The following ME2 variants were observed in gnomAD, a reference collection of about 807,000 sequenced individuals.
ME2 encodes the protein NAD-dependent malic enzyme, mitochondrial.
In ME2, 60 loss-of-function variants were observed where a neutral mutation model predicts 73.7. The ratio of observed to expected loss-of-function variants is 0.81; its 90% confidence interval spans 0.66 to 1.01. ME2 has a LOEUF of 1.01. ME2 is among the 50% of genes least tolerant of loss of function. The probability of loss-of-function intolerance (pLI) is 0.00; values close to 1 mark genes in which losing one functional copy is unlikely to be tolerated. For synonymous variants in ME2, 199 were observed against 236.9 expected (o/e 0.84, Z 1.47); for missense variants, 594 against 705.5 (o/e 0.84, Z 1.79).
intron 1 of ME2, among the ~76,000 whole-genome samples, chr18:50,895,009 A>G (rs917802097): frequency 1.3e-5 from 2 of 151,936 alleles, no homozygotes; most frequent in African/African-American, 2.4e-5. Flanking sequence ...CACACATATC[A>G]TGGATTTCTC....
At position 50,947,366 on chromosome 18, in the gene ME2, C is replaced by T. The variant is rs1279273582; in HGVS notation, c.*182C>T. The T allele has an allele frequency of 6.8e-6, 4 of 584,012 alleles. No individual in the cohort carries two copies. The highest frequency in any genetic ancestry group is 1.2e-5 in the Non-Finnish European group (4 of 330,656). 36.2% of individuals were successfully genotyped at this position (584,012 alleles called of 1,614,324 possible). ...GTAGACGTGTTGATTGATTGCATTG[C>T]CCACCAGCACCCTACAGTCAGATAG... On this transcript the variant is annotated 3_prime_UTR_variant, in exon 16 of 16. Transcript: ENST00000321341.
intron 14 of ME2, 53 bp downstream of exon 14, chr18:50,939,693 T>A: frequency 4.0e-6 from 5 of 1,242,598 alleles, no homozygotes; most frequent in South Asian, 3.7e-5. Flanking sequence ...TAAAGATGAG[T>A]AGATCTGAAA....
chr18:50,932,563 T>C, intron 13 of ME2: 1 of 411,012 alleles, frequency 2.4e-6, no homozygotes. Flanking sequence ...TTAAATTTGT[T>C]TTTATTATAG....
chr18:50,927,223 C>T (rs148032135), intron 12 of ME2, among the ~76,000 whole-genome samples: 175 of 152,164 alleles, frequency 1.2e-3, no homozygotes, highest in African/African-American at 4.1e-3. Context: ...CTAAGTGGCT[C>T]TAGGAAGTGA....
Position 50,886,263 on chromosome 18 carries a change from A to G in ME2, c.-13+6955A>G, listed in dbSNP as rs1419593146. On this transcript the variant is annotated intron_variant, in intron 1 of 15. Transcript: ENST00000321341. ...TAAGTTAGATTTTTTTTTTTTTTTGAGATGGAGTCTCACTCCGTTGCCCAG... is the reference window on the plus strand; with the variant it reads ...TAAGTTAGATTTTTTTTTTTTTTTGGGATGGAGTCTCACTCCGTTGCCCAG... Among the ~76,000 whole-genome samples the G allele has an allele frequency of 3.9e-5, 5 of 128,710 alleles. No individual in the cohort carries two copies. The East Asian group carries it at 1.2e-3, about 30-fold the overall frequency. The allele number at this position is 128,710 out of a possible 152,430, so 84.4% of individuals were successfully genotyped here. A position where few individuals can be genotyped will look rare whatever the true frequency, so the allele number is the denominator to read the frequency against.
At chr18:50,929,315 T>C (rs1306663307) in intron 12 of ME2, among the ~76,000 whole-genome samples, 1 of 151,586 alleles carries the variant, frequency 6.6e-6, no homozygotes, top group Non-Finnish European at 1.5e-5. Flanking sequence ...GGTGAAACCC[T>C]GTCTCTACTA....
At chr18:50,916,337 A>G in intron 5 of ME2, 94 bp downstream of exon 5, 10 of 998,910 alleles carry the variant, frequency 1.0e-5, no homozygotes, top group Non-Finnish European at 1.5e-5. Flanking sequence ...TGTTGCTCTC[A>G]TTTATTTTGC....
intron 3 of ME2, among the ~76,000 whole-genome samples, chr18:50,912,556 T>G (rs1215687873): frequency 6.6e-6 from 1 of 152,218 alleles, no homozygotes; most frequent in Non-Finnish European, 1.5e-5. Flanking sequence ...TAGGGTTCAG[T>G]AAACATTGTT....
chr18:50,907,885 A>C (rs1474357750), intron 2 of ME2, among the ~76,000 whole-genome samples, 178 bp from the exon 3 acceptor site: 2 of 152,242 alleles, frequency 1.3e-5, no homozygotes, highest in African/African-American at 4.8e-5. Context: ...GTTTGTGAGA[A>C]TAACTATTTT....
At chr18:50,908,539 A>G (rs935450256) in intron 3 of ME2, among the ~76,000 whole-genome samples, 1 of 152,232 alleles carries the variant, frequency 6.6e-6, no homozygotes, top group Admixed American at 6.5e-5. Flanking sequence ...CACTGAGGCT[A>G]TAAAGTGGGT....
At chr18:50,918,002 A>G (rs1478717537) in intron 6 of ME2, 108 bp from the exon 7 acceptor site, 6 of 611,762 alleles carry the variant, frequency 9.8e-6, no homozygotes, top group East Asian at 3.1e-5. Flanking sequence ...TTGTAGGGCA[A>G]TACATTTAAA....
intron 12 of ME2, among the ~76,000 whole-genome samples, chr18:50,929,485 C>CA (rs57774392): frequency 0.55 from 67,416 of 122,752 alleles, 16,992 homozygotes; most frequent in South Asian, 0.7. Context: ...AAGACTGTCT[C>CA]AAAAAAAAAA....
chr18:50,898,852 C>T (rs1916816201), intron 2 of ME2, among the ~76,000 whole-genome samples: 1 of 152,198 alleles, frequency 6.6e-6, no homozygotes, highest in African/African-American at 2.4e-5. Flanking sequence ...CCTTCAACTT[C>T]TCTAGGCCTT....
intron 2 of ME2, among the ~76,000 whole-genome samples, chr18:50,897,859 CA>C (rs962608319): frequency 4.5e-4 from 57 of 125,586 alleles, no homozygotes; most frequent in Non-Finnish European, 3.8e-4. Context: ...AACTCCATCT[CA>C]AAAAAAAAAA....
intron 2 of ME2, among the ~76,000 whole-genome samples, chr18:50,905,058 C>G (rs2144212251): frequency 6.6e-6 from 1 of 152,118 alleles, no homozygotes; most frequent in South Asian, 2.1e-4. Flanking sequence ...ACGATCTTGG[C>G]TCACTGCAGC....
intron 15 of ME2, among the ~76,000 whole-genome samples, 153 bp from the exon 16 acceptor site, chr18:50,946,864 A>G (rs551439623): frequency 6.6e-6 from 1 of 152,328 alleles, no homozygotes; most frequent in South Asian, 2.1e-4. Context: ...TAGTTTCCAA[A>G]TGTTTTGAAA....
intron 6 of ME2, 126 bp downstream of exon 6, chr18:50,917,634 T>G: frequency 1.8e-6 from 1 of 552,310 alleles, no homozygotes; most frequent in Middle Eastern, 4.3e-4. Context: ...TTTCTTAAAC[T>G]CCACTTTTAA....
chr18:50,889,620 T>C (rs934706782), intron 1 of ME2, among the ~76,000 whole-genome samples: 4 of 152,234 alleles, frequency 2.6e-5, no homozygotes, highest in Non-Finnish European at 4.4e-5. Context: ...GCGTTCCTAA[T>C]AATGATACAT....
At chr18:50,938,447 G>A (rs1917866973) in intron 13 of ME2, among the ~76,000 whole-genome samples, 1 of 152,116 alleles carries the variant, frequency 6.6e-6, no homozygotes, top group South Asian at 2.1e-4. Context: ...GATGGTATTG[G>A]AATAATACCT....
Sources: gnomAD v4.1 joint callset for allele counts (sites outside exome capture counted in the v4.1 genomes callset) on GRCh38, gnomAD v4.1.1 for gene constraint, MANE v1.5 for transcripts, NCBI Gene and HGNC (gene_info 2026-07-23, HGNC 2026-07-21) for gene names.